ARAP2: variants seen among roughly 807,000 people sequenced by gnomAD.
The protein encoded by ARAP2 is ArfGAP with RhoGAP domain, ankyrin repeat and PH domain 2, also known as arf-GAP with Rho-GAP domain, ANK repeat and PH domain-containing protein 2.
ARAP2 carries 148 observed loss-of-function variants against 194.5 expected under a neutral mutation model. That is an observed-to-expected ratio of 0.76 (90% confidence interval 0.67 to 0.87). The LOEUF is 0.87. ARAP2 is among the 40% of genes least tolerant of loss of function. The pLI is 0.00. For synonymous variants in ARAP2, 695 were observed against 683.5 expected (o/e 1.02, Z -0.26); for missense variants, 2,128 against 1,989.7 (o/e 1.07, Z -1.32).
intron 7 of ARAP2, among the ~76,000 whole-genome samples, chr4:36,192,174 T>A (rs967691508): frequency 6.9e-6 from 1 of 144,222 alleles, no homozygotes; most frequent in East Asian, 2.0e-4. Flanking sequence ...TTCTGTTTTT[T>A]TTTTTTTTTT....
In ARAP2 at chr4:36,128,469, CTAT is replaced by C. The variant is rs1724501625; in HGVS notation, c.3640+61_3640+63del. The C allele has an allele frequency of 4.2e-6, 4 of 946,480 alleles. No homozygotes were observed. In the Admixed American group the frequency reaches 8.5e-5, roughly 20 times the overall value. 58.6% of individuals were successfully genotyped at this position (946,480 alleles called of 1,614,324 possible). On this transcript the variant is annotated intron_variant, in intron 21 of 32. Coordinates refer to ENST00000303965, the MANE Select transcript of ARAP2 (RefSeq NM_015230.4). ...TTAAAAGGCAAGCATGTATTATGGTCTATATTATACACACACACACACACACAC... is the reference window on the plus strand; with the variant it reads ...TTAAAAGGCAAGCATGTATTATGGTCATTATACACACACACACACACACAC...
chr4:36,172,658 T>A (rs1051285810), intron 9 of ARAP2, among the ~76,000 whole-genome samples: 11 of 152,052 alleles, frequency 7.2e-5, no homozygotes, highest in Admixed American at 4.6e-4. Context: ...CAAAACTGAC[T>A]CCTAAAAAGA....
At chr4:36,155,399 G>C (rs925476151) in intron 15 of ARAP2, among the ~76,000 whole-genome samples, 1 of 152,140 alleles carries the variant, frequency 6.6e-6, no homozygotes, top group Non-Finnish European at 1.5e-5. Flanking sequence ...CACTAACTAG[G>C]GGGCACTGAA....
chr4:36,006,006 T>C (rs1221505408), intron 10 of ARAP2: 2 of 152,224 alleles, frequency 1.3e-5, no homozygotes, highest in African/African-American at 4.8e-5. Context: ...TCTTTGATAA[T>C]CTTTCAAGAA....
At chr4:36,203,270 T>C (rs376688822) in intron 6 of ARAP2, among the ~76,000 whole-genome samples, 1 of 152,046 alleles carries the variant, frequency 6.6e-6, no homozygotes, top group African/African-American at 2.4e-5. Flanking sequence ...CAAAGTCCAC[T>C]TTCCCACATG....
intron 5 of ARAP2, among the ~76,000 whole-genome samples, chr4:36,037,034 T>C (rs565632011): frequency 6.6e-6 from 1 of 152,302 alleles, no homozygotes; most frequent in African/African-American, 2.4e-5. Context: ...CTGGGCTAAG[T>C]GTCTTCCCTA....
chr4:36,184,276 CATAT>C (rs10602029), intron 8 of ARAP2, among the ~76,000 whole-genome samples: 2,887 of 148,138 alleles, frequency 0.019, 40 homozygotes, highest in African/African-American at 0.035. Flanking sequence ...GATGCATAAA[CATAT>C]ATATATATAT....
chr4:36,088,558 T>C (rs547549624), intron 28 of ARAP2, among the ~76,000 whole-genome samples: 1 of 152,192 alleles, frequency 6.6e-6, no homozygotes, highest in South Asian at 2.1e-4. Flanking sequence ...TCAAATGCAG[T>C]ATATAATATG....
chr4:36,008,889 C>G (rs759856497), intron 9 of ARAP2, among the ~76,000 whole-genome samples: 5 of 151,948 alleles, frequency 3.3e-5, no homozygotes, highest in Non-Finnish European at 7.4e-5. Flanking sequence ...GGGCAAAGGA[C>G]AAGAGCAGAC....
intron 8 of ARAP2, among the ~76,000 whole-genome samples, chr4:36,180,831 T>C (rs1038671326): frequency 3.9e-5 from 6 of 152,206 alleles, no homozygotes; most frequent in Non-Finnish European, 8.8e-5. Flanking sequence ...TAATAGGAAG[T>C]AAACAGTCAC....
intron 9 of ARAP2, among the ~76,000 whole-genome samples, chr4:36,172,927 T>G (rs957632948): frequency 6.6e-6 from 1 of 152,118 alleles, no homozygotes; most frequent in African/African-American, 2.4e-5. Context: ...ACACAACCCA[T>G]CGCCCTATGA....
chr4:36,158,316 G>T (rs1489401568), intron 15 of ARAP2, among the ~76,000 whole-genome samples: 3 of 151,760 alleles, frequency 2.0e-5, no homozygotes, highest in Non-Finnish European at 4.4e-5. Context: ...AAAAAAACCT[G>T]AACTATTTGA....
intron 2 of ARAP2, among the ~76,000 whole-genome samples, chr4:36,217,392 C>T (rs1271842503): frequency 3.3e-5 from 5 of 152,108 alleles, no homozygotes; most frequent in Admixed American, 3.3e-4. Context: ...GCACGCCAGG[C>T]ACCTGTGATC....
chr4:36,169,019 G>A lies in ARAP2; in HGVS notation c.1858-1972C>T, dbSNP rs900453460. Among the ~76,000 whole-genome samples, 5 of 152,058 alleles carry A rather than the reference G, an allele frequency of 3.3e-5. 1 individual carries two copies. Among genetic ancestry groups the A allele is most frequent in the Non-Finnish European group, 5.9e-5 (4 of 68,006 alleles). On this transcript the variant is annotated intron_variant, in intron 9 of 32. Coordinates refer to ENST00000303965, the MANE Select transcript of ARAP2 (RefSeq NM_015230.4). ...TATACTCCTGCTGGATGACATACCC[G>A]TTGGATAAACTTCCAATGCATGTGA...
chr4:36,156,300 G>GAAAAC (rs1732283252), intron 15 of ARAP2, among the ~76,000 whole-genome samples: 1 of 126,824 alleles, frequency 7.9e-6, no homozygotes, highest in Admixed American at 8.6e-5. Context: ...AGGAAAGAAG[G>GAAAAC]AAAGAAGGAA....
intron 9 of ARAP2, among the ~76,000 whole-genome samples, chr4:36,175,200 T>G (rs1010852562): frequency 2.0e-5 from 3 of 152,234 alleles, no homozygotes; most frequent in Non-Finnish European, 4.4e-5. Context: ...ATTTTTTTCA[T>G]CACCTTGAAA....
rs1348629816 is a variant in ARAP2 at position 36,128,630 on chromosome 4, CTGA to C, written c.3540_3542del (p.His1180del). 6.2e-7 allele frequency: 1 copy of C among 1,612,886 alleles called. No homozygotes were observed. The highest frequency in any genetic ancestry group is 1.3e-5 in the African/African-American group (1 of 74,810). On this transcript the variant is annotated inframe_deletion, in exon 21 of 33. Coordinates refer to ENST00000303965, the MANE Select transcript of ARAP2 (RefSeq NM_015230.4). ...TCAACACAGCCGTCACATCTTCAAG[CTGA>C]TGTTTTCCAGCCCTCAATTTAAAGC...
chr4:36,030,205 T>G (rs1718677632), intron 5 of ARAP2, among the ~76,000 whole-genome samples: 1 of 152,070 alleles, frequency 6.6e-6, no homozygotes, highest in Non-Finnish European at 1.5e-5. Context: ...GGCTCACACT[T>G]TTCTTTCCTC....
At position 36,214,409 on chromosome 4, in the gene ARAP2, C is replaced by A; in HGVS notation, c.964+13G>T. ...AGCTCTAATTTAAGGAGACATTAAA[C>A]ACATAGACTCACTTTGCCATGCCAC... On this transcript the variant is annotated intron_variant, in intron 3 of 32. Coordinates refer to ENST00000303965, the MANE Select transcript of ARAP2 (RefSeq NM_015230.4). 2 of 1,589,922 alleles carry A rather than the reference C, an allele frequency of 1.3e-6. No individual in the cohort carries two copies. Among genetic ancestry groups the A allele is most frequent in the South Asian group, 2.3e-5 (2 of 87,704 alleles).
Sources: allele counts gnomAD v4.1 joint callset (sites outside exome capture counted in the v4.1 genomes callset), GRCh38; gene constraint gnomAD v4.1.1; transcripts MANE v1.5; gene names NCBI Gene and HGNC (gene_info 2026-07-23, HGNC 2026-07-21).